The following CACNA1B variants were observed in gnomAD, a reference collection of about 807,000 sequenced individuals.
The protein encoded by CACNA1B is calcium voltage-gated channel subunit alpha1 B, also known as voltage-dependent N-type calcium channel subunit alpha-1B.
A neutral mutation model predicts 247.2 loss-of-function variants in CACNA1B; 70 were observed. That is an observed-to-expected ratio of 0.28 (90% CI 0.23 to 0.35). CACNA1B has a LOEUF of 0.35. Ranked by LOEUF, CACNA1B falls within the 10% of genes least tolerant of loss-of-function variation. The pLI is 1.00. For missense variants in CACNA1B, 2,367 were observed against 3,197.4 expected, an observed-to-expected ratio of 0.74 and a Z score of 6.26; for synonymous variants, 1,231 against 1,294.4, an observed-to-expected ratio of 0.95 and a Z score of 1.05.
chr9:138,004,873 T>C (rs921725725), intron 15 of CACNA1B, among the ~76,000 whole-genome samples: 2 of 152,182 alleles, frequency 1.3e-5, no homozygotes, highest in African/African-American at 2.4e-5. Context: ...GGCCAACAGA[T>C]GTATGAAAAA....
At chr9:138,119,320 G>A (rs1961991596) in intron 44 of CACNA1B, among the ~76,000 whole-genome samples, 1 of 152,090 alleles carries the variant, frequency 6.6e-6, no homozygotes, top group South Asian at 2.1e-4. Context: ...GTTTCCCGGG[G>A]GAGGCTCCTT....
intron 23 of CACNA1B, among the ~76,000 whole-genome samples, chr9:138,048,247 G>A (rs1226624914): frequency 2.0e-5 from 3 of 152,220 alleles, no homozygotes; most frequent in African/African-American, 4.8e-5. Flanking sequence ...TAGAATCACA[G>A]CAGCAGGAGT....
Position 138,050,337 on chromosome 9 carries a change from C to T in CACNA1B, c.3710+1022C>T, listed in dbSNP as rs1271072473. ...TTGCTGGTGAGCAGGCTGTCACCAG[C>T]GAGGGCTGGAGGCTGGGGCCATTGG... is the stretch of plus-strand genomic sequence containing the variant. On this transcript the variant is annotated intron_variant, in intron 24 of 46. Coordinates refer to ENST00000371372, the MANE Select transcript of CACNA1B (RefSeq NM_000718.4). This position sits in a 1 kb window ranked among gnomAD's most constrained non-coding sequence, Gnocchi z 5.2. Among the ~76,000 whole-genome samples the T allele has an allele frequency of 1.3e-5, 2 of 152,136 alleles. No homozygotes were observed. The highest frequency in any genetic ancestry group is 6.5e-5 in the Admixed American group (1 of 15,278).
intron 3 of CACNA1B, among the ~76,000 whole-genome samples, chr9:137,902,291 C>G (rs1033562779): frequency 7.9e-5 from 12 of 152,208 alleles, no homozygotes; most frequent in Non-Finnish European, 1.5e-4. Flanking sequence ...ACTGCTTCCT[C>G]CTGGAGAAGG....
intron 39 of CACNA1B, among the ~76,000 whole-genome samples, chr9:138,110,114 T>TACAC (rs1554759845): frequency 7.0e-6 from 1 of 142,370 alleles, no homozygotes; most frequent in East Asian, 2.8e-4. Flanking sequence ...TATATATATA[T>TACAC]ATACATATAT....
rs1957962538 is a variant in CACNA1B at position 137,957,474 on chromosome 9, A to T, written c.1244-124A>T. 3.7e-6 allele frequency: 2 copies of T among 546,216 alleles called. No homozygotes were observed. Among genetic ancestry groups the T allele is most frequent in the Non-Finnish European group, 3.0e-6 (1 of 329,360 alleles). 33.8% of individuals were successfully genotyped at this position (546,216 alleles called of 1,614,324 possible). On this transcript the variant is annotated intron_variant, in intron 9 of 46. Coordinates refer to ENST00000371372, the MANE Select transcript of CACNA1B (RefSeq NM_000718.4). This position sits in a 1 kb window ranked among gnomAD's most constrained non-coding sequence, Gnocchi z 4.7. ...CCCACAATCATCCGGCCTCAGCCCCAGTTCAGGACAGGAGCTCAGGAGAGG... is the reference window on the plus strand; with the variant it reads ...CCCACAATCATCCGGCCTCAGCCCCTGTTCAGGACAGGAGCTCAGGAGAGG...
chr9:138,114,484 C>T lies in CACNA1B; in HGVS notation c.5643C>T (p.Leu1881=). ...RDQMQQAPGG[L]SQMGPVSLFH... is the part of the protein sequence containing the mutation. Reference sequence around the variant, plus strand: ...AGATGCAGCAGGCTCCTGGAGGCCTCTCCCAGGTAGCTGGCGGCCCTCAGT... The same window carrying T: ...AGATGCAGCAGGCTCCTGGAGGCCTTTCCCAGGTAGCTGGCGGCCCTCAGT... Residue 1881 remains leucine (L), a synonymous_variant, in exon 41 of 47, where the codon CTC becomes CTT. Transcript: ENST00000371372. 1.3e-6 allele frequency: 2 copies of T among 1,551,436 alleles called. No homozygotes were observed. Among genetic ancestry groups the T allele is most frequent in the Non-Finnish European group, 1.8e-6 (2 of 1,138,460 alleles).
At chr9:137,931,324 C>T (rs930981725) in intron 6 of CACNA1B, among the ~76,000 whole-genome samples, 5 of 152,136 alleles carry the variant, frequency 3.3e-5, no homozygotes, top group East Asian at 1.9e-4. Context: ...TGCTTACACC[C>T]TGTGTAAATG....
At chr9:137,999,960 C>A (rs934102690) in intron 15 of CACNA1B, among the ~76,000 whole-genome samples, 1 of 152,038 alleles carries the variant, frequency 6.6e-6, no homozygotes, top group African/African-American at 2.4e-5. Context: ...TGTACAGCGA[C>A]TGATCAAGGG....
intron 8 of CACNA1B, among the ~76,000 whole-genome samples, chr9:137,956,060 C>G (rs1345179150): frequency 1.3e-5 from 2 of 152,196 alleles, no homozygotes; most frequent in Non-Finnish European, 2.9e-5. Context: ...TAAAGCTGGT[C>G]TCTCCCCATT....
At position 137,919,953 on chromosome 9, in the gene CACNA1B, C is replaced by T. The variant is rs371251774; in HGVS notation, c.966+2522C>T. 5.3e-5 allele frequency among the ~76,000 whole-genome samples: 8 copies of T among 152,142 alleles called. No homozygotes were observed. The highest frequency in any genetic ancestry group is 2.6e-4 in the Admixed American group (4 of 15,272). ...ACACACGGATGAGCCTGGGGAGAGA[C>T]GAGTCGGCAGTAAATTCCTGTTAGG... On this transcript the variant is annotated intron_variant, in intron 6 of 46. Transcript: ENST00000371372. This position sits in a 1 kb window ranked among gnomAD's most constrained non-coding sequence, Gnocchi z 4.6.
At chr9:138,116,889 G>T (rs1961887093) in intron 42 of CACNA1B, among the ~76,000 whole-genome samples, 1 of 152,192 alleles carries the variant, frequency 6.6e-6, no homozygotes, top group African/African-American at 2.4e-5. Flanking sequence ...CAGCATGGAA[G>T]GAGAGCTGCT....
chr9:137,981,696 C>T (rs1958295228), intron 12 of CACNA1B, among the ~76,000 whole-genome samples: 1 of 152,172 alleles, frequency 6.6e-6, no homozygotes, highest in African/African-American at 2.4e-5. Flanking sequence ...TCGGGCTGGT[C>T]CCGAACTCCT....
rs1957207340 is a variant in CACNA1B, at chr9:137,899,408, A to G, written c.531-13772A>G. 6.6e-6 allele frequency among the ~76,000 whole-genome samples: 1 copy of G among 152,138 alleles called. No individual in the cohort carries two copies. The highest frequency in any genetic ancestry group is 1.5e-5 in the Non-Finnish European group (1 of 68,028). On this transcript the variant is annotated intron_variant, in intron 3 of 46. Coordinates refer to ENST00000371372, the MANE Select transcript of CACNA1B (RefSeq NM_000718.4). This position sits in a 1 kb window ranked among gnomAD's most constrained non-coding sequence, Gnocchi z 5.0. ...ACCTCAGTTTCCTTCTCTTACAAAG[A>G]ACTGTGTAGTCTGCCAACTCCTGAG...
intron 36 of CACNA1B, among the ~76,000 whole-genome samples, chr9:138,084,778 C>T (rs1352890425): frequency 6.6e-6 from 1 of 150,836 alleles, no homozygotes; most frequent in Admixed American, 6.6e-5. Flanking sequence ...GGTGAAACCC[C>T]GTCTCTACTA....
chr9:138,112,794 C>T (rs558787375), intron 40 of CACNA1B, among the ~76,000 whole-genome samples: 16 of 152,324 alleles, frequency 1.1e-4, no homozygotes, highest in African/African-American at 3.4e-4. Context: ...TGAGGGAGTG[C>T]GGTGAGATGC....
chr9:138,108,404 C>A lies in CACNA1B; in HGVS notation c.5428+2597C>A, dbSNP rs538002795. Among the ~76,000 whole-genome samples, 3 of 151,406 alleles carry A rather than the reference C, an allele frequency of 2.0e-5. 1 individual carries two copies. The highest frequency in any genetic ancestry group is 7.3e-5 in the African/African-American group (3 of 41,158). On this transcript the variant is annotated intron_variant, in intron 39 of 46. Transcript: ENST00000371372. ...GGAAAAACCTTCCAAGAAAGACAAT[C>A]CCAGGTCCAAATGGCTTCTTTATTG... is the stretch of plus-strand genomic sequence containing the variant.
chr9:137,968,652 G>C (rs1589039296), intron 10 of CACNA1B, among the ~76,000 whole-genome samples: 3 of 152,340 alleles, frequency 2.0e-5, no homozygotes, highest in African/African-American at 7.2e-5. Context: ...AACAGGGATG[G>C]ATGTTGGTCA....
chr9:138,000,239 C>T (rs987199417), intron 15 of CACNA1B, among the ~76,000 whole-genome samples: 3 of 151,428 alleles, frequency 2.0e-5, no homozygotes, highest in South Asian at 2.1e-4. Flanking sequence ...GCTGGGACTA[C>T]AGGCGCCCGC....
Sources: allele counts gnomAD v4.1 joint callset (sites outside exome capture counted in the v4.1 genomes callset), GRCh38; gene constraint gnomAD v4.1.1; non-coding constraint Gnocchi (gnomAD v3.1); transcripts MANE v1.5; gene names NCBI Gene and HGNC (gene_info 2026-07-23, HGNC 2026-07-21).